CNNM2: variants seen among roughly 807,000 people sequenced by gnomAD.
The protein encoded by CNNM2 is metal transporter CNNM2.
In CNNM2, 12 loss-of-function variants were observed where a neutral mutation model predicts 66.9. The ratio of observed to expected loss-of-function variants is 0.18; its 90% CI spans 0.11 to 0.29. The LOEUF is 0.29. CNNM2 is among the 10% of genes least tolerant of loss of function. The pLI, the probability that CNNM2 is intolerant of heterozygous loss-of-function variation, is 1.00. For missense variants in CNNM2, 705 were observed against 1,167.7 expected, an observed-to-expected ratio of 0.60 and a Z score of 5.77; for synonymous variants, 557 against 501.8, an observed-to-expected ratio of 1.11 and a Z score of -1.47.
At chr10:102,966,501 C>T (rs921129805) in intron 1 of CNNM2, among the ~76,000 whole-genome samples, 1 of 152,108 alleles carries the variant, frequency 6.6e-6, no homozygotes, top group African/African-American at 2.4e-5. Context: ...GTGGCAGGCA[C>T]CTGTAATCCT....
At chr10:102,989,994 C>T (rs1009482906) in intron 1 of CNNM2, among the ~76,000 whole-genome samples, 1 of 149,448 alleles carries the variant, frequency 6.7e-6, no homozygotes, top group Non-Finnish European at 1.5e-5. Flanking sequence ...ACCCAGGCTG[C>T]AGTGCAGTGG....
intron 1 of CNNM2, among the ~76,000 whole-genome samples, chr10:102,967,838 G>A (rs750355895): frequency 6.6e-5 from 10 of 152,296 alleles, no homozygotes; most frequent in Non-Finnish European, 1.2e-4. Context: ...GTGAAACCCC[G>A]TCTCTACTAA....
rs2065711764 is a variant in CNNM2 at position 103,077,550 on chromosome 10, G to A, written c.*370G>A. On this transcript the variant is annotated 3_prime_UTR_variant, in exon 8 of 8. Transcript: ENST00000369878. ...TTTTTCAAGAGATCATGTTTTTAAA[G>A]TGTCTTTTGCAGAGTTTTAAGTTGT... 4.1e-6 allele frequency: 1 copy of A among 242,974 alleles called. No homozygotes were observed. Among genetic ancestry groups the A allele is most frequent in the Non-Finnish European group, 8.1e-6 (1 of 123,292 alleles). 15.1% of individuals were successfully genotyped at this position (242,974 alleles called of 1,614,324 possible). A position where few individuals can be genotyped will look rare whatever the true frequency, so the allele number is the denominator to read the frequency against.
intron 1 of CNNM2, among the ~76,000 whole-genome samples, chr10:102,935,158 C>CAAAA (rs71753183): frequency 6.1e-5 from 5 of 82,470 alleles, no homozygotes; most frequent in Non-Finnish European, 9.6e-5. Context: ...GACTCCATCT[C>CAAAA]AAAAAAAAAA....
chr10:103,042,466 T>C (rs894962475), intron 1 of CNNM2, among the ~76,000 whole-genome samples: 2 of 152,208 alleles, frequency 1.3e-5, no homozygotes, highest in African/African-American at 2.4e-5. Context: ...GCCTTTTCAC[T>C]TCAAGGTTTA....
At chr10:103,020,212 A>G (rs552298093) in intron 1 of CNNM2, among the ~76,000 whole-genome samples, 1 of 151,862 alleles carries the variant, frequency 6.6e-6, no homozygotes, top group East Asian at 1.9e-4. Context: ...TAGAAATGCA[A>G]TGGTGCGATC....
chr10:103,070,565 G>T (rs1031453673), intron 5 of CNNM2, among the ~76,000 whole-genome samples: 2 of 152,206 alleles, frequency 1.3e-5, no homozygotes, highest in Non-Finnish European at 2.9e-5. Flanking sequence ...GGAGTGGGTT[G>T]TACATTTCTA....
intron 2 of CNNM2, among the ~76,000 whole-genome samples, chr10:103,052,072 G>A (rs2065222638): frequency 6.6e-6 from 1 of 151,834 alleles, no homozygotes; most frequent in Non-Finnish European, 1.5e-5. Flanking sequence ...GTCAAGAGAT[G>A]GAGAACATCC....
intron 1 of CNNM2, among the ~76,000 whole-genome samples, chr10:102,957,237 C>T (rs921151223): frequency 2.6e-5 from 4 of 152,086 alleles, no homozygotes; most frequent in Non-Finnish European, 4.4e-5. Flanking sequence ...ACCTGGGAGG[C>T]GGAGGTTGCA....
At position 103,079,729 on chromosome 10, in the gene CNNM2, T is replaced by C. The variant is rs960443326; in HGVS notation, c.*2549T>C. The C allele has an allele frequency of 1.3e-5, 2 of 152,246 alleles. No homozygotes were observed. Among genetic ancestry groups the C allele is most frequent in the Non-Finnish European group, 2.9e-5 (2 of 68,046 alleles). 9.4% of individuals were successfully genotyped at this position (152,246 alleles called of 1,614,324 possible). On this transcript the variant is annotated 3_prime_UTR_variant, in exon 8 of 8. Coordinates refer to ENST00000369878, the MANE Select transcript of CNNM2 (RefSeq NM_017649.5). Reference sequence around the variant, plus strand: ...AGTTCGTATTCATTTTCTGTTATTCTTTACCTTCTGTTAGTCACACTATTT... The same window carrying C: ...AGTTCGTATTCATTTTCTGTTATTCCTTACCTTCTGTTAGTCACACTATTT...
intron 1 of CNNM2, among the ~76,000 whole-genome samples, chr10:103,048,175 A>G (rs2065158178): frequency 6.7e-6 from 1 of 148,790 alleles, no homozygotes; most frequent in Non-Finnish European, 1.5e-5. Context: ...TCCGCCTCCC[A>G]AAGGGCTGGG....
chr10:102,972,616 A>G (rs2063563202), intron 1 of CNNM2, among the ~76,000 whole-genome samples: 1 of 152,200 alleles, frequency 6.6e-6, no homozygotes, highest in African/African-American at 2.4e-5. Context: ...AGCCTGGGAG[A>G]CAGAGCGAGA....
intron 1 of CNNM2, among the ~76,000 whole-genome samples, chr10:103,007,842 G>T (rs192796704): frequency 6.6e-6 from 1 of 152,250 alleles, no homozygotes; most frequent in East Asian, 1.9e-4. Context: ...AGCTTATGAA[G>T]ATAACAGGAT....
intron 1 of CNNM2, among the ~76,000 whole-genome samples, chr10:102,994,604 C>T (rs2063955069): frequency 6.6e-6 from 1 of 152,222 alleles, no homozygotes; most frequent in Non-Finnish European, 1.5e-5. Flanking sequence ...CAACCCAGAA[C>T]CACATGACCA....
At chr10:102,942,134 G>A (rs1846456321) in intron 1 of CNNM2, among the ~76,000 whole-genome samples, 1 of 152,202 alleles carries the variant, frequency 6.6e-6, no homozygotes, top group Non-Finnish European at 1.5e-5. Context: ...TTAAAACACA[G>A]AGGTGCTCAT....
chr10:102,976,665 A>T (rs1172852131), intron 1 of CNNM2, among the ~76,000 whole-genome samples: 1 of 85,070 alleles, frequency 1.2e-5, no homozygotes, highest in African/African-American at 4.8e-5. Flanking sequence ...ACAGGGTTTT[A>T]CCATGTTGAC....
At chr10:102,987,019 A>G (rs1322260815) in intron 1 of CNNM2, among the ~76,000 whole-genome samples, 2 of 152,110 alleles carry the variant, frequency 1.3e-5, no homozygotes, top group Non-Finnish European at 2.9e-5. Flanking sequence ...GTAAGACAAC[A>G]TTGCCAAGGG....
chr10:103,050,043 G>A lies in CNNM2; in HGVS notation c.1765+193G>A, dbSNP rs529894340. ...GCAGACCCTGTAATGTCAAGCGACA[G>A]CATTCTTCTGAACAGCCAGCTGCTT... is the stretch of plus-strand genomic sequence containing the variant. On this transcript the variant is annotated intron_variant, in intron 2 of 7. Coordinates refer to ENST00000369878, the MANE Select transcript of CNNM2 (RefSeq NM_017649.5). Among the ~76,000 whole-genome samples the A allele has an allele frequency of 1.2e-4, 19 of 152,308 alleles. No individual in the cohort carries two copies. The highest frequency in any genetic ancestry group is 2.6e-4 in the Admixed American group (4 of 15,298).
intron 1 of CNNM2, among the ~76,000 whole-genome samples, chr10:102,994,504 C>T (rs780526580): frequency 6.6e-6 from 1 of 152,202 alleles, no homozygotes; most frequent in Non-Finnish European, 1.5e-5. Context: ...GAGGAACTTA[C>T]GTTCTAGAGG....
Sources: allele counts gnomAD v4.1 joint callset (sites outside exome capture counted in the v4.1 genomes callset), GRCh38; gene constraint gnomAD v4.1.1; transcripts MANE v1.5; gene names NCBI Gene and HGNC (gene_info 2026-07-23, HGNC 2026-07-21).